RIMBP2: variants seen among roughly 807,000 people sequenced by gnomAD.
The protein encoded by RIMBP2 is RIMS binding protein 2.
Under a neutral mutation model 118.6 loss-of-function variants are expected in RIMBP2, and 48 were observed. That is an observed-to-expected ratio of 0.40 (90% confidence interval 0.32 to 0.51). The LOEUF is 0.51. RIMBP2 is among the 20% of genes least tolerant of loss of function. The probability of loss-of-function intolerance (pLI) is 0.41; values close to 1 mark genes in which losing one functional copy is unlikely to be tolerated. For synonymous variants in RIMBP2, 762 were observed against 742.9 expected (o/e 1.03, Z -0.42); for missense variants, 1,551 against 1,768.3 (o/e 0.88, Z 2.20).
chr12:130,561,833 T>C (rs1278200086), intron 2 of RIMBP2, among the ~76,000 whole-genome samples: 1 of 152,200 alleles, frequency 6.6e-6, no homozygotes, highest in Non-Finnish European at 1.5e-5. Context: ...TGCACAAATC[T>C]GTTAAACAGA....
chr12:130,449,017 G>A (rs1012794000), intron 9 of RIMBP2, among the ~76,000 whole-genome samples: 4 of 152,356 alleles, frequency 2.6e-5, no homozygotes, highest in Non-Finnish European at 4.4e-5. Context: ...AGGATCTAGT[G>A]AGGGTGGCAA....
intron 3 of RIMBP2, among the ~76,000 whole-genome samples, chr12:130,508,466 G>C (rs1402391119): frequency 6.6e-6 from 1 of 151,922 alleles, no homozygotes; most frequent in Non-Finnish European, 1.5e-5. Context: ...CGGGGCCCCT[G>C]CACCTGCTGA....
chr12:130,472,514 T>C (rs931838030), intron 5 of RIMBP2, among the ~76,000 whole-genome samples: 2 of 152,194 alleles, frequency 1.3e-5, no homozygotes, highest in African/African-American at 4.8e-5. Flanking sequence ...TCTTAAAACG[T>C]GGAACACTAA....
At chr12:130,615,272 C>CACAT (rs1429575646) in intron 2 of RIMBP2, among the ~76,000 whole-genome samples, 84 of 38,784 alleles carry the variant, frequency 2.2e-3, no homozygotes, top group Non-Finnish European at 3.0e-3. Context: ...ACATAATACA[C>CACAT]ATACATATAT....
chr12:130,627,374 A>G lies in RIMBP2; in HGVS notation c.-217+948T>C, dbSNP rs73460618. On this transcript the variant is annotated intron_variant, in intron 2 of 22. Coordinates refer to ENST00000690449, the MANE Select transcript of RIMBP2 (RefSeq NM_001393629.1). The stretch of plus-strand genomic sequence containing the variant: ...GCAGCTGTTATTCTTACTACCCAAG[A>G]TTGTCTCATGATCACACAGGGTGAA... Among the ~76,000 whole-genome samples, 1,490 of 152,336 alleles carry G rather than the reference A, an allele frequency of 9.8e-3. 20 individuals are homozygous for G. The highest frequency in any genetic ancestry group is 0.032 in the African/African-American group (1,323 of 41,574).
intron 2 of RIMBP2, among the ~76,000 whole-genome samples, chr12:130,521,800 T>C (rs1005354108): frequency 2.6e-5 from 4 of 152,228 alleles, no homozygotes; most frequent in Non-Finnish European, 5.9e-5. Context: ...CTTCCAGATA[T>C]CTTCTTGCTT....
At chr12:130,618,571 T>C (rs988271968) in intron 2 of RIMBP2, among the ~76,000 whole-genome samples, 5 of 105,936 alleles carry the variant, frequency 4.7e-5, no homozygotes, top group Non-Finnish European at 8.1e-5. Context: ...GTATTTGCCC[T>C]TTTGCCTAGT....
At chr12:130,643,737 G>A (rs910365089) in intron 1 of RIMBP2, among the ~76,000 whole-genome samples, 6 of 152,172 alleles carry the variant, frequency 3.9e-5, no homozygotes, top group Admixed American at 6.5e-5. Context: ...TGAATAACAC[G>A]GGGCAAGGGT....
At chr12:130,616,046 T>C (rs890648583) in intron 2 of RIMBP2, among the ~76,000 whole-genome samples, 2 of 152,206 alleles carry the variant, frequency 1.3e-5, no homozygotes, top group Non-Finnish European at 2.9e-5. Context: ...CGCAGTCGGA[T>C]GCACACACAC....
At chr12:130,543,640 T>C (rs868756532) in intron 2 of RIMBP2, among the ~76,000 whole-genome samples, 1 of 152,180 alleles carries the variant, frequency 6.6e-6, no homozygotes, top group Middle Eastern at 3.4e-3. Flanking sequence ...GCCACCTCTT[T>C]TTGCTAAAAG....
chr12:130,671,978 G>A (rs1424699699), intron 1 of RIMBP2, among the ~76,000 whole-genome samples: 1 of 152,076 alleles, frequency 6.6e-6, no homozygotes, highest in East Asian at 1.9e-4. Context: ...ATGGTCAGTG[G>A]GCCAGCATAT....
rs185195446 is a variant in RIMBP2, at chr12:130,689,001, G to A, written c.-352+27221C>T. 5.3e-3 allele frequency among the ~76,000 whole-genome samples: 807 copies of A among 152,306 alleles called. 10 individuals are homozygous for A. The highest frequency in any genetic ancestry group is 0.018 in the African/African-American group (761 of 41,574). ...TCCCTTTTCATTTCTGAAAAGCGCC[G>A]GTTACAGCCCACAAAATTGATTTCA... On this transcript the variant is annotated intron_variant, in intron 1 of 22. Transcript: ENST00000690449.
In RIMBP2 at chr12:130,615,884, GC is replaced by G. The variant is rs768353732; in HGVS notation, c.-217+12437del. Among the ~76,000 whole-genome samples, 249 of 152,218 alleles carry G rather than the reference GC, an allele frequency of 1.6e-3. 1 individual carries two copies. Among genetic ancestry groups the G allele is most frequent in the Non-Finnish European group, 2.9e-3 (194 of 68,012 alleles). ...CAAACGTCTGCCATCACTCTTGGAA[GC>G]CCCCCTGAGCCCACCCAGACAAGCT... On this transcript the variant is annotated intron_variant, in intron 2 of 22. Transcript: ENST00000690449.
chr12:130,636,939 C>G (rs2062377033), intron 1 of RIMBP2, among the ~76,000 whole-genome samples: 2 of 152,150 alleles, frequency 1.3e-5, no homozygotes, highest in African/African-American at 4.8e-5. Context: ...CAATACACAC[C>G]TAGTAATGCC....
chr12:130,493,536 A>T (rs2048845260), intron 4 of RIMBP2, among the ~76,000 whole-genome samples: 3 of 152,066 alleles, frequency 2.0e-5, no homozygotes. Context: ...GCTGGTCTCA[A>T]ACTCCTGACC....
intron 5 of RIMBP2, among the ~76,000 whole-genome samples, chr12:130,473,018 A>G (rs1016711842): frequency 1.3e-5 from 2 of 152,250 alleles, no homozygotes; most frequent in Non-Finnish European, 2.9e-5. Flanking sequence ...TGATGCCACC[A>G]TTGACTCAGT....
At chr12:130,674,903 C>T (rs148667377) in intron 1 of RIMBP2, among the ~76,000 whole-genome samples, 95 of 152,300 alleles carry the variant, frequency 6.2e-4, no homozygotes, top group African/African-American at 2.0e-3. Flanking sequence ...ACAGCGTGTC[C>T]GCAAGGTTCA....
At chr12:130,438,274 G>C in intron 12 of RIMBP2, 91 bp downstream of exon 12, 1 of 1,446,636 alleles carries the variant, frequency 6.9e-7, no homozygotes, top group Non-Finnish European at 9.6e-7. Flanking sequence ...TGGAAGAGCA[G>C]ACCCTGCCTC....
chr12:130,524,905 G>A (rs187882796), intron 2 of RIMBP2, among the ~76,000 whole-genome samples: 1 of 152,332 alleles, frequency 6.6e-6, no homozygotes, highest in East Asian at 1.9e-4. Flanking sequence ...GGGAGAAAGT[G>A]CAGGTTTAAG....
Sources: allele counts gnomAD v4.1 joint callset (sites outside exome capture counted in the v4.1 genomes callset), GRCh38; gene constraint gnomAD v4.1.1; transcripts MANE v1.5; gene names NCBI Gene and HGNC (gene_info 2026-07-23, HGNC 2026-07-21).